Variants in BMS1 observed in about 807,000 individuals in gnomAD.
BMS1 encodes BMS1 ribosome biogenesis factor, also known as ribosome biogenesis protein BMS1 homolog.
In BMS1, 53 loss-of-function variants were observed where a neutral mutation model predicts 138.7. The observed-to-expected ratio is 0.38, with a 90% CI of 0.31 to 0.48. The LOEUF (loss-of-function observed/expected upper bound fraction) is 0.48. Ranked by LOEUF, BMS1 falls within the 20% of genes least tolerant of loss-of-function variation. BMS1 has a pLI of 0.97. For missense variants in BMS1, 1,360 were observed against 1,565.5 expected (o/e 0.87, Z 2.22); for synonymous variants, 504 against 539.9 (o/e 0.93, Z 0.92).
intron 13 of BMS1, among the ~76,000 whole-genome samples, chr10:42,812,405 G>A (rs1842210563): frequency 6.6e-6 from 1 of 152,178 alleles, no homozygotes; most frequent in Non-Finnish European, 1.5e-5. Context: ...CTCCCAGAGT[G>A]CTGGGATTAC....
intron 19 of BMS1, among the ~76,000 whole-genome samples, chr10:42,822,727 A>G (rs1842535858): frequency 6.6e-6 from 1 of 152,204 alleles, no homozygotes; most frequent in Admixed American, 6.5e-5. Context: ...ATATAAGGTA[A>G]TAATACCACC....
chr10:42,793,080 T>C lies in BMS1; in HGVS notation c.1025T>C (p.Val342Ala), dbSNP rs756831638. Residue 342 changes from valine (V) to alanine (A), a missense_variant, in exon 8 of 23, where the codon GTT becomes GCT. Physicochemically the swap from Val to Ala is moderately conservative, Grantham distance 64. Around this residue, in one of 3 missense-constraint regions of BMS1, gnomAD observed 697 missense variants for 686.2 expected, o/e 1.02. Transcript: ENST00000374518. ...CTGGTTTATGCGCCTCTTTCTGGAG[T>C]TGGGGGTGTGCTGTATGACAAAGAC... ...EKLVYAPLSGVGGVLYDKDAV... is the reference protein window; with the variant it reads ...EKLVYAPLSGAGGVLYDKDAV... The C allele has an allele frequency of 2.9e-5, 47 of 1,613,774 alleles. No homozygotes were observed. Among genetic ancestry groups the C allele is most frequent in the Non-Finnish European group, 3.4e-5 (40 of 1,179,964 alleles).
At chr10:42,825,934 A>G (rs1319757622) in intron 21 of BMS1, among the ~76,000 whole-genome samples, 1 of 152,182 alleles carries the variant, frequency 6.6e-6, no homozygotes, top group East Asian at 1.9e-4. Context: ...ACGTTGAGGA[A>G]CTTTCCTTCT....
intron 21 of BMS1, among the ~76,000 whole-genome samples, chr10:42,827,943 T>C (rs1188701460): frequency 6.6e-6 from 1 of 152,262 alleles, no homozygotes; most frequent in African/African-American, 2.4e-5. Context: ...AACATTAATG[T>C]GCTAATTTCT....
intron 9 of BMS1, among the ~76,000 whole-genome samples, chr10:42,795,262 C>T (rs974893371): frequency 5.9e-5 from 9 of 151,986 alleles, no homozygotes; most frequent in African/African-American, 2.2e-4. Flanking sequence ...GATTTATAGT[C>T]CTTTGTCATT....
At chr10:42,829,552 G>T (rs1363586384) in intron 21 of BMS1, among the ~76,000 whole-genome samples, 1 of 152,158 alleles carries the variant, frequency 6.6e-6, no homozygotes, top group African/African-American at 2.4e-5. Flanking sequence ...GGTGGCTCAT[G>T]CCTGTAATCC....
intron 9 of BMS1, 129 bp from the exon 10 acceptor site, chr10:42,796,345 A>G (rs1025608051): frequency 1.9e-5 from 21 of 1,109,692 alleles, no homozygotes; most frequent in Non-Finnish European, 2.4e-5. Context: ...TATTTTCCCT[A>G]TGCTATGTCA....
intron 19 of BMS1, 131 bp from the exon 20 acceptor site, chr10:42,822,987 A>G: frequency 1.0e-6 from 1 of 953,830 alleles, no homozygotes; most frequent in Non-Finnish European, 1.5e-6. Context: ...GGGCGAATAC[A>G]TTTTGTTTAT....
At chr10:42,821,355 G>C (rs1842498646) in intron 18 of BMS1, among the ~76,000 whole-genome samples, 1 of 152,032 alleles carries the variant, frequency 6.6e-6, no homozygotes. Flanking sequence ...AGGCAGGGCA[G>C]GGTTTATTGG....
intron 4 of BMS1, among the ~76,000 whole-genome samples, chr10:42,788,694 CTT>C (rs1841413988): frequency 6.6e-6 from 1 of 152,230 alleles, no homozygotes; most frequent in Non-Finnish European, 1.5e-5. Context: ...TTATGTAAAT[CTT>C]TTAAAGATTT....
At chr10:42,787,664 T>C (rs1447931117) in intron 4 of BMS1, among the ~76,000 whole-genome samples, 1 of 152,296 alleles carries the variant, frequency 6.6e-6, no homozygotes, top group Admixed American at 6.5e-5. Flanking sequence ...GGTGAGTAGG[T>C]ATTATCTGTA....
chr10:42,830,323 C>T lies in BMS1; in HGVS notation c.3519C>T (p.Ala1173=). Residue 1173 remains alanine (A), a synonymous_variant, in exon 22 of 23, where the codon GCC becomes GCT. Transcript: ENST00000374518. ...SLHIPKALQK[A]LPFKNKPKTQ... ...ACATTCCAAAAGCCTTGCAGAAGGC[C>T]CTGCCATTTAAGAACAAGCCCAAGA... is the stretch of plus-strand genomic sequence containing the variant. The T allele has an allele frequency of 6.2e-7, 1 of 1,613,882 alleles. No homozygotes were observed. The highest frequency in any genetic ancestry group is 8.5e-7 in the Non-Finnish European group (1 of 1,180,004).
Position 42,820,577 on chromosome 10 carries a change from G to A in BMS1, c.2839G>A (p.Gly947Arg). The A allele has an allele frequency of 1.9e-6, 3 of 1,611,436 alleles. No individual in the cohort carries two copies. The highest frequency in any genetic ancestry group is 1.7e-5 in the Admixed American group (1 of 59,932). ...CCGAGATCCAATCATATTTTCTGTA[G>A]GGTGGAGGAGGTTTCAGACCATCCC... ...KSRDPIIFSV[G>R]WRRFQTIPLY... The change falls in exon 17 of 23, where the codon GGG becomes AGG. Residue 947 changes from glycine to arginine, a missense_variant. Physicochemically the swap from Gly to Arg is moderately radical, Grantham distance 125 (BLOSUM62 -2). Transcript: ENST00000374518.
At chr10:42,803,455 A>T (rs1048068931) in intron 13 of BMS1, among the ~76,000 whole-genome samples, 1 of 152,014 alleles carries the variant, frequency 6.6e-6, no homozygotes, top group African/African-American at 2.4e-5. Flanking sequence ...ATGTGAATGT[A>T]TTCTTTATAT....
intron 18 of BMS1, among the ~76,000 whole-genome samples, chr10:42,821,258 C>T (rs1842496481): frequency 6.6e-6 from 1 of 152,094 alleles, no homozygotes; most frequent in Non-Finnish European, 1.5e-5. Flanking sequence ...GCAGTGCTCA[C>T]CATGTGCTAA....
At chr10:42,825,078 G>T (rs955244129) in intron 21 of BMS1, among the ~76,000 whole-genome samples, 20 of 151,824 alleles carry the variant, frequency 1.3e-4, no homozygotes, top group African/African-American at 4.4e-4. Context: ...GCATAATCTC[G>T]GCTCACTGAA....
In BMS1 at chr10:42,831,164, T is replaced by G; in HGVS notation, c.*68T>G. The G allele has an allele frequency of 7.1e-7, 1 of 1,411,598 alleles. No individual in the cohort carries two copies. Among genetic ancestry groups the G allele is most frequent in the Non-Finnish European group, 9.6e-7 (1 of 1,042,914 alleles). The allele number at this position is 1,411,598 out of a possible 1,614,324, so 87.4% of individuals were successfully genotyped here. A position where few individuals can be genotyped will look rare whatever the true frequency, so the allele number is the denominator to read the frequency against. The stretch of plus-strand genomic sequence containing the variant: ...ACAGTTTCAAACATCACAGTTTGAA[T>G]GCCTGTGAATGACAAGTCAGTGGGA... On this transcript the variant is annotated 3_prime_UTR_variant, in exon 23 of 23. Coordinates refer to ENST00000374518, the MANE Select transcript of BMS1 (RefSeq NM_014753.4).
intron 21 of BMS1, among the ~76,000 whole-genome samples, chr10:42,826,611 G>A (rs1239453549): frequency 6.6e-6 from 1 of 152,162 alleles, no homozygotes; most frequent in Non-Finnish European, 1.5e-5. Context: ...GATTCTCCAG[G>A]GCTAGTCCAG....
In BMS1 at chr10:42,812,482, A is replaced by G. The variant is rs572029203; in HGVS notation, c.2330-4117A>G. On this transcript the variant is annotated intron_variant, in intron 13 of 22. Transcript: ENST00000374518. The stretch of plus-strand genomic sequence containing the variant: ...GTTGCTGAGAGGAGGGTGTTGAAGT[A>G]GATGTCTTCTTGGTGGGTTAATCCT... Among the ~76,000 whole-genome samples the G allele has an allele frequency of 2.6e-5, 4 of 152,284 alleles. No homozygotes were observed. The South Asian group carries it at 6.2e-4, about 24-fold the overall frequency.
Sources: gnomAD v4.1 joint callset for allele counts (sites outside exome capture counted in the v4.1 genomes callset) on GRCh38, gnomAD v4.1.1 for gene constraint, gnomAD v4.1.1 regional missense constraint, MANE v1.5 for transcripts, NCBI Gene and HGNC (gene_info 2026-07-23, HGNC 2026-07-21) for gene names.